ZNF521: variants seen among roughly 807,000 people sequenced by gnomAD.
ZNF521 encodes the protein zinc finger protein 521.
ZNF521 carries 14 observed loss-of-function variants against 105.5 expected under a neutral mutation model. The observed-to-expected ratio is 0.13, with a 90% confidence interval of 0.09 to 0.21. The LOEUF is 0.21. Ranked by LOEUF, ZNF521 falls within the 10% of genes least tolerant of loss-of-function variation. ZNF521 has a pLI of 1.00. For missense variants in ZNF521, 1,233 were observed against 1,629.7 expected, an observed-to-expected ratio of 0.76 and a Z score of 4.19; for synonymous variants, 635 against 606.0, an observed-to-expected ratio of 1.05 and a Z score of -0.70.
intron 2 of ZNF521, among the ~76,000 whole-genome samples, chr18:25,328,437 ACACACACACACG>A (rs1476750041): frequency 6.8e-6 from 1 of 147,856 alleles, no homozygotes. Context: ...ACACACACAC[ACACACACACACG>A]CATTCACTTT....
At chr18:25,154,839 T>C (rs1179694088) in intron 5 of ZNF521, among the ~76,000 whole-genome samples, 1 of 152,180 alleles carries the variant, frequency 6.6e-6, no homozygotes, top group East Asian at 1.9e-4. Flanking sequence ...TTGTGAATAA[T>C]GCACAATGAA....
chr18:25,154,406 T>C (rs1267788729), intron 5 of ZNF521, among the ~76,000 whole-genome samples: 1 of 152,026 alleles, frequency 6.6e-6, no homozygotes, highest in Non-Finnish European at 1.5e-5. Flanking sequence ...TCAAAATAGG[T>C]GAATACCTGA....
chr18:25,124,320 AGTT>A (rs2034498742), intron 5 of ZNF521, among the ~76,000 whole-genome samples: 1 of 152,046 alleles, frequency 6.6e-6, no homozygotes, highest in Non-Finnish European at 1.5e-5. Flanking sequence ...TATACCTTTT[AGTT>A]TTAACAACAG....
chr18:25,166,620 C>T (rs948815238), intron 5 of ZNF521, among the ~76,000 whole-genome samples: 4 of 152,116 alleles, frequency 2.6e-5, no homozygotes, highest in African/African-American at 7.2e-5. Context: ...TGTTTGTAGA[C>T]TTTTAATACA....
chr18:25,148,293 T>G (rs545877515), intron 5 of ZNF521, among the ~76,000 whole-genome samples: 1 of 152,162 alleles, frequency 6.6e-6, no homozygotes, highest in African/African-American at 2.4e-5. Context: ...ATGCCATTCT[T>G]AGTTATCCTG....
intron 7 of ZNF521, among the ~76,000 whole-genome samples, chr18:25,086,766 CTGTT>C (rs2033632395): frequency 6.6e-6 from 1 of 152,126 alleles, no homozygotes; most frequent in African/African-American, 2.4e-5. Context: ...GAGTAAGTCT[CTGTT>C]TGGCCCAGAT....
At chr18:25,192,176 T>C (rs2035829772) in intron 5 of ZNF521, among the ~76,000 whole-genome samples, 1 of 152,190 alleles carries the variant, frequency 6.6e-6, no homozygotes, top group Non-Finnish European at 1.5e-5. Context: ...TCTGTCAAAA[T>C]GTGGTGAAGA....
intron 4 of ZNF521, among the ~76,000 whole-genome samples, chr18:25,213,365 T>C (rs543807428): frequency 6.6e-6 from 1 of 151,698 alleles, no homozygotes; most frequent in African/African-American, 2.4e-5. Flanking sequence ...ATCATGAAAA[T>C]ATGTTAAATA....
rs114364867 is a variant in ZNF521 at position 25,250,326 on chromosome 18, C to T, written c.221-22629G>A. ...CTGGGACTGGGTGGCTAAAAAGAGCCATCCCTCAGCTTTCAGCAATTATCC... is the reference window on the plus strand; with the variant it reads ...CTGGGACTGGGTGGCTAAAAAGAGCTATCCCTCAGCTTTCAGCAATTATCC... On this transcript the variant is annotated intron_variant, in intron 3 of 7. Transcript: ENST00000361524. 6.2e-3 allele frequency among the ~76,000 whole-genome samples: 951 copies of T among 152,252 alleles called. 11 individuals are homozygous for T. Among genetic ancestry groups the T allele is most frequent in the African/African-American group, 0.021 (891 of 41,526 alleles).
intron 5 of ZNF521, among the ~76,000 whole-genome samples, chr18:25,186,911 A>T (rs1408299946): frequency 6.7e-6 from 1 of 148,262 alleles, no homozygotes; most frequent in Non-Finnish European, 1.5e-5. Flanking sequence ...TGCTAAAAAA[A>T]AAAAAAAAAA....
intron 3 of ZNF521, among the ~76,000 whole-genome samples, chr18:25,300,942 A>T (rs765644302): frequency 5.9e-5 from 9 of 152,188 alleles, no homozygotes. Flanking sequence ...ACAAAGATGG[A>T]TCATCATTGC....
intron 3 of ZNF521, among the ~76,000 whole-genome samples, chr18:25,274,156 T>C (rs537430470): frequency 6.6e-6 from 1 of 152,312 alleles, no homozygotes; most frequent in South Asian, 2.1e-4. Context: ...GACTCTGCTA[T>C]AAGAATTATT....
rs1600120568 is a variant in ZNF521, at chr18:25,175,824, A to G, written c.3658+19336T>C. Among the ~76,000 whole-genome samples, 3 of 152,250 alleles carry G rather than the reference A, an allele frequency of 2.0e-5. No individual in the cohort carries two copies. The East Asian group carries it at 5.8e-4, about 29-fold the overall frequency. Reference sequence around the variant, plus strand: ...GTATTATGGTCAATTCAGACATGCCATAGTATTCTTTTAAAAATAATAAAT... The same window carrying G: ...GTATTATGGTCAATTCAGACATGCCGTAGTATTCTTTTAAAAATAATAAAT... On this transcript the variant is annotated intron_variant, in intron 5 of 7. Coordinates refer to ENST00000361524, the MANE Select transcript of ZNF521 (RefSeq NM_015461.3).
intron 2 of ZNF521, among the ~76,000 whole-genome samples, chr18:25,326,892 T>C (rs1261293732): frequency 6.6e-6 from 1 of 152,228 alleles, no homozygotes; most frequent in East Asian, 1.9e-4. Flanking sequence ...AACAGTTTGT[T>C]CTCTGATCAT....
chr18:25,326,707 C>G (rs1913243043), intron 2 of ZNF521, among the ~76,000 whole-genome samples: 2 of 152,158 alleles, frequency 1.3e-5, no homozygotes, highest in Admixed American at 6.5e-5. Context: ...AAGCATGAAG[C>G]TCTACCTTAA....
chr18:25,310,957 G>GAC (rs1335661327), intron 3 of ZNF521, among the ~76,000 whole-genome samples: 1 of 152,122 alleles, frequency 6.6e-6, no homozygotes, highest in Non-Finnish European at 1.5e-5. Context: ...TCACCCAGGA[G>GAC]ACACAATCCC....
chr18:25,206,596 C>T (rs181945840), intron 4 of ZNF521, among the ~76,000 whole-genome samples: 14 of 152,052 alleles, frequency 9.2e-5, no homozygotes, highest in African/African-American at 2.9e-4. Flanking sequence ...CATGTATGTG[C>T]CCAAATTACC....
At chr18:25,160,214 C>T (rs1176387999) in intron 5 of ZNF521, among the ~76,000 whole-genome samples, 1 of 152,132 alleles carries the variant, frequency 6.6e-6, no homozygotes, top group East Asian at 1.9e-4. Context: ...ATGAAAAAGT[C>T]ATGAAAATGA....
intron 3 of ZNF521, among the ~76,000 whole-genome samples, chr18:25,229,004 T>C (rs1489118278): frequency 6.6e-6 from 1 of 152,160 alleles, no homozygotes; most frequent in Non-Finnish European, 1.5e-5. Flanking sequence ...AGTGTTTCAG[T>C]TAGAATAAGA....
Sources: gnomAD v4.1 joint callset for allele counts (sites outside exome capture counted in the v4.1 genomes callset) on GRCh38, gnomAD v4.1.1 for gene constraint, MANE v1.5 for transcripts, NCBI Gene and HGNC (gene_info 2026-07-23, HGNC 2026-07-21) for gene names.